The following STIM1 variants were observed in gnomAD, a reference collection of about 807,000 sequenced individuals.
STIM1 encodes the protein stromal interaction molecule 1.
STIM1 carries 25 observed loss-of-function variants against 74.7 expected under a neutral mutation model. The observed-to-expected ratio is 0.33, with a 90% CI of 0.24 to 0.47. STIM1 has a LOEUF of 0.47. STIM1 is among the 20% of genes least tolerant of loss of function. STIM1 has a pLI of 1.00. For missense variants in STIM1, 728 were observed against 920.8 expected, an observed-to-expected ratio of 0.79 and a Z score of 2.71; for synonymous variants, 328 against 348.8, an observed-to-expected ratio of 0.94 and a Z score of 0.66.
At chr11:3,981,129 C>T (rs903860713) in intron 2 of STIM1, among the ~76,000 whole-genome samples, 37 of 152,272 alleles carry the variant, frequency 2.4e-4, no homozygotes, top group African/African-American at 8.4e-4. Flanking sequence ...TCTCTTTCAT[C>T]ATGTTGGCCA....
At chr11:3,967,708 T>C (rs200903116) in intron 2 of STIM1, 26 bp downstream of exon 2, 8 of 1,613,898 alleles carry the variant, frequency 5.0e-6, no homozygotes, top group East Asian at 2.2e-5. Context: ...CTGCTATGTC[T>C]CTCTTTTCTT....
intron 1 of STIM1, among the ~76,000 whole-genome samples, chr11:3,902,380 A>T (rs888126947): frequency 2.0e-5 from 3 of 152,190 alleles, no homozygotes; most frequent in Non-Finnish European, 4.4e-5. Context: ...GCGATCCCCA[A>T]TCTTTTTGGC....
intron 1 of STIM1, among the ~76,000 whole-genome samples, chr11:3,894,911 T>TTG (rs2092011586): frequency 6.7e-6 from 1 of 148,672 alleles, no homozygotes; most frequent in East Asian, 2.0e-4. Flanking sequence ...GCTAATTTTT[T>TTG]TTTTTTTTTT....
chr11:4,041,520 A>G (rs1470165754), intron 3 of STIM1, among the ~76,000 whole-genome samples: 1 of 152,154 alleles, frequency 6.6e-6, no homozygotes, highest in Non-Finnish European at 1.5e-5. Context: ...GAGGCACAAA[A>G]TATTAAGTAA....
At chr11:3,860,973 A>G (rs1341281619) in intron 1 of STIM1, among the ~76,000 whole-genome samples, 1 of 152,160 alleles carries the variant, frequency 6.6e-6, no homozygotes, top group Non-Finnish European at 1.5e-5. Flanking sequence ...CTAAGGGTTA[A>G]AAGCGATCTG....
At chr11:4,056,783 C>A (rs1277104833) in intron 4 of STIM1, among the ~76,000 whole-genome samples, 1 of 152,222 alleles carries the variant, frequency 6.6e-6, no homozygotes, top group African/African-American at 2.4e-5. Flanking sequence ...TGCTTTCCTA[C>A]ATATTATTTC....
rs117797667 is a variant in STIM1 at position 4,074,809 on chromosome 11, G to A, written c.969+130G>A. 4,587 of 1,040,774 alleles carry A rather than the reference G, an allele frequency of 4.4e-3. 18 individuals carry two copies. Among genetic ancestry groups the A allele is most frequent in the Non-Finnish European group, 5.6e-3 (4,012 of 716,126 alleles). The allele number at this position is 1,040,774 out of a possible 1,614,324, so 64.5% of individuals were successfully genotyped here. A position where few individuals can be genotyped will look rare whatever the true frequency, so the allele number is the denominator to read the frequency against. On this transcript the variant is annotated intron_variant, in intron 7 of 12. Coordinates refer to ENST00000526596, the MANE Select transcript of STIM1 (RefSeq NM_001382567.1). ...CAAAGACTATGTTCTAGAGTCACTG[G>A]ACTCTTACCAACAATAAGAGTTCAA...
At chr11:3,862,811 G>A (rs1423694310) in intron 1 of STIM1, among the ~76,000 whole-genome samples, 1 of 151,814 alleles carries the variant, frequency 6.6e-6, no homozygotes, top group Non-Finnish European at 1.5e-5. Flanking sequence ...GGTAAAAAAA[G>A]TATATATGTG....
chr11:3,944,602 A>G (rs1040265290), intron 1 of STIM1, among the ~76,000 whole-genome samples: 5 of 152,200 alleles, frequency 3.3e-5, no homozygotes, highest in Non-Finnish European at 1.5e-5. Flanking sequence ...GAAAGAGCAC[A>G]ATTTAAGTAA....
chr11:3,930,399 A>G (rs2092845095), intron 1 of STIM1, among the ~76,000 whole-genome samples: 2 of 152,196 alleles, frequency 1.3e-5, no homozygotes, highest in South Asian at 2.1e-4. Flanking sequence ...ATAACTTTCT[A>G]TAGTAAAATT....
intron 5 of STIM1, among the ~76,000 whole-genome samples, chr11:4,066,300 G>C (rs1463452387): frequency 6.6e-6 from 1 of 152,140 alleles, no homozygotes; most frequent in Non-Finnish European, 1.5e-5. Flanking sequence ...TTTGTGTAGG[G>C]GTTGTGCGAT....
chr11:3,977,787 G>C (rs959245048), intron 2 of STIM1, among the ~76,000 whole-genome samples: 13 of 152,020 alleles, frequency 8.6e-5, no homozygotes, highest in African/African-American at 2.9e-4. Flanking sequence ...TTTGAAGAGG[G>C]ATGTTGTGAG....
At chr11:4,006,216 C>A (rs2093779165) in intron 2 of STIM1, among the ~76,000 whole-genome samples, 1 of 152,106 alleles carries the variant, frequency 6.6e-6, no homozygotes, top group Admixed American at 6.5e-5. Flanking sequence ...GGTAGCACCT[C>A]CCCCTTTGCT....
chr11:4,038,925 G>A (rs566500717), intron 3 of STIM1, among the ~76,000 whole-genome samples: 2 of 152,268 alleles, frequency 1.3e-5, no homozygotes, highest in Admixed American at 6.5e-5. Flanking sequence ...ATGGAAGTTG[G>A]AGAAATAAAG....
At chr11:4,086,825 G>A (rs2094496642) in intron 12 of STIM1, 1 of 1,536,012 alleles carries the variant, frequency 6.5e-7, no homozygotes, top group African/African-American at 1.4e-5. Context: ...CCTTCTGACA[G>A]CACCGCTGTG....
chr11:3,917,723 C>T (rs537203895), intron 1 of STIM1, among the ~76,000 whole-genome samples: 4 of 152,134 alleles, frequency 2.6e-5, no homozygotes, highest in African/African-American at 4.8e-5. Context: ...TGTGAGCCAC[C>T]GTACCCAGCC....
chr11:3,911,045 G>C (rs927811320), intron 1 of STIM1, among the ~76,000 whole-genome samples: 13 of 152,118 alleles, frequency 8.5e-5, no homozygotes, highest in African/African-American at 2.9e-4. Flanking sequence ...CATCCTGCTG[G>C]AGTCTGTGGG....
chr11:3,875,012 T>C (rs1193092066), intron 1 of STIM1, among the ~76,000 whole-genome samples: 1 of 151,966 alleles, frequency 6.6e-6, no homozygotes, highest in Non-Finnish European at 1.5e-5. Flanking sequence ...TTATTGTTTG[T>C]TTGTTTGTTT....
chr11:3,984,748 A>G (rs2093541648), intron 2 of STIM1, among the ~76,000 whole-genome samples: 1 of 152,258 alleles, frequency 6.6e-6, no homozygotes, highest in Non-Finnish European at 1.5e-5. Context: ...TGTACTAAAT[A>G]TATGGCCAAG....
Sources: gnomAD v4.1 joint callset for allele counts (sites outside exome capture counted in the v4.1 genomes callset) on GRCh38, gnomAD v4.1.1 for gene constraint, MANE v1.5 for transcripts, NCBI Gene and HGNC (gene_info 2026-07-23, HGNC 2026-07-21) for gene names.